Variants in RAD54B observed in about 807,000 individuals in gnomAD.
RAD54B encodes the protein RAD54 homolog B.
Under a neutral mutation model 95.8 loss-of-function variants are expected in RAD54B, and 78 were observed. The observed-to-expected ratio is 0.81, with a 90% CI of 0.68 to 0.98. The LOEUF (loss-of-function observed/expected upper bound fraction) is 0.98, where lower values mean the gene tolerates loss of function less well. Among genes scored for constraint, RAD54B ranks in the 50% least tolerant of loss-of-function variants. The probability of loss-of-function intolerance (pLI) is 0.00; values close to 1 mark genes in which losing one functional copy is unlikely to be tolerated. For synonymous variants in RAD54B, 328 were observed against 354.9 expected (o/e 0.92, Z 0.85); for missense variants, 957 against 1,056.6 (o/e 0.91, Z 1.31).
At chr8:94,439,551 C>T (rs1219554482) in intron 3 of RAD54B, among the ~76,000 whole-genome samples, 1 of 151,976 alleles carries the variant, frequency 6.6e-6, no homozygotes, top group Non-Finnish European at 1.5e-5. Context: ...CTCAGGTGGC[C>T]CTAAGAACAT....
At chr8:94,407,018 C>A (rs1811405725) in intron 5 of RAD54B, among the ~76,000 whole-genome samples, 1 of 151,968 alleles carries the variant, frequency 6.6e-6, no homozygotes, top group East Asian at 1.9e-4. Flanking sequence ...GAAATCTTAC[C>A]ATTCAATATT....
chr8:94,380,357 C>T lies in RAD54B; in HGVS notation c.2035G>A (p.Val679Ile), dbSNP rs34588349. The T allele has an allele frequency of 1.7e-5, 28 of 1,613,700 alleles. No homozygotes were observed. Among genetic ancestry groups the T allele is most frequent in the Non-Finnish European group, 1.7e-5 (20 of 1,179,826 alleles). The change falls in exon 12 of 15, where the codon GTA becomes ATA. Residue 679 changes from valine to isoleucine, a missense_variant. Val to Ile is a conservative substitution (Grantham distance 29, BLOSUM62 3). Coordinates refer to ENST00000336148, the MANE Select transcript of RAD54B (RefSeq NM_012415.3). ...YTQTLNILQE[V>I]CKRHGYAYTR... ...TAAGCATATCCATGACGCTTACATACTTCTTGTAAAATGTTCAAGGTTTGT... is the reference window on the plus strand; with the variant it reads ...TAAGCATATCCATGACGCTTACATATTTCTTGTAAAATGTTCAAGGTTTGT...
In RAD54B at chr8:94,399,539, T is replaced by G; in HGVS notation, c.1253A>C (p.Asp418Ala). The change falls in exon 8 of 15, where the codon GAT becomes GCT. Residue 418 changes from aspartate to alanine, a missense_variant. Physicochemically the swap from Asp to Ala is moderately radical, Grantham distance 126. Coordinates refer to ENST00000336148, the MANE Select transcript of RAD54B (RefSeq NM_012415.3). ...ISYEMLLRSLDQIKNIKFDLL... is the reference protein window; with the variant it reads ...ISYEMLLRSLAQIKNIKFDLL... Reference sequence around the variant, plus strand: ...ATCAAATTTTATATTCTTAATTTGATCCAGGGAACGAAGTAACATTTCATA... The same window carrying G: ...ATCAAATTTTATATTCTTAATTTGAGCCAGGGAACGAAGTAACATTTCATA... The G allele has an allele frequency of 1.9e-6, 3 of 1,613,252 alleles. No individual in the cohort carries two copies. The highest frequency in any genetic ancestry group is 1.7e-6 in the Non-Finnish European group (2 of 1,179,542).
chr8:94,425,269 G>T (rs1287962090), intron 3 of RAD54B, among the ~76,000 whole-genome samples: 2 of 135,938 alleles, frequency 1.5e-5, no homozygotes, highest in East Asian at 4.4e-4. Flanking sequence ...TCTTCAGGTT[G>T]GTCTCCAACT....
At position 94,374,055 on chromosome 8, in the gene RAD54B, A is replaced by G. The variant is rs189873864; in HGVS notation, c.2516-1668T>C. Among the ~76,000 whole-genome samples the G allele has an allele frequency of 6.0e-4, 92 of 152,248 alleles. No homozygotes were observed. The East Asian group carries it at 0.015, about 26-fold the overall frequency. On this transcript the variant is annotated intron_variant, in intron 14 of 14. Transcript: ENST00000336148. ...AGCACTTCGGGAGGCCAAGGCGGGC[A>G]GATCACGAGGTCAGGTGATCGAGAC...
chr8:94,388,258 C>T (rs952866356), intron 10 of RAD54B, among the ~76,000 whole-genome samples: 1 of 152,188 alleles, frequency 6.6e-6, no homozygotes, highest in South Asian at 2.1e-4. Context: ...CTCCTCTTAG[C>T]CTACTCAATG....
chr8:94,450,770 C>T (rs1044652004), intron 3 of RAD54B, among the ~76,000 whole-genome samples: 5 of 151,022 alleles, frequency 3.3e-5, no homozygotes, highest in African/African-American at 9.7e-5. Flanking sequence ...GTCCCAGCTA[C>T]GTGGGAGGCT....
intron 10 of RAD54B, among the ~76,000 whole-genome samples, chr8:94,390,741 T>G (rs1810998809): frequency 6.6e-6 from 1 of 151,922 alleles, no homozygotes; most frequent in Non-Finnish European, 1.5e-5. Context: ...TGGTACAGGT[T>G]GACCATCCTT....
intron 3 of RAD54B, chr8:94,430,491 A>G: frequency 1.0e-6 from 1 of 953,682 alleles, no homozygotes; most frequent in Non-Finnish European, 1.2e-6. Context: ...TTTAGCATGC[A>G]TCAGAATCGC....
At chr8:94,426,186 CA>C (rs1451812387) in intron 3 of RAD54B, among the ~76,000 whole-genome samples, 1 of 151,300 alleles carries the variant, frequency 6.6e-6, no homozygotes, top group African/African-American at 2.4e-5. Flanking sequence ...CTCCTGGCCT[CA>C]AGCGATCCAC....
Position 94,404,101 on chromosome 8 carries a change from A to T in RAD54B, c.920T>A (p.Leu307His), listed in dbSNP as rs866572110. The T allele has an allele frequency of 6.2e-7, 1 of 1,604,238 alleles. No individual in the cohort carries two copies. The highest frequency in any genetic ancestry group is 1.7e-4 in the Middle Eastern group (1 of 6,022). ...RPHQKEGIIF[L>H]YECVMGMRMN... ...CCTCATTCCCATTACACATTCATAA[A>T]GGAATATGATTCCTTCTTTCTGATG... is the stretch of plus-strand genomic sequence containing the variant. The change falls in exon 6 of 15, where the codon CTT (leucine) becomes CAT (histidine). Residue 307 changes from leucine to histidine, a missense_variant. Coordinates refer to ENST00000336148, the MANE Select transcript of RAD54B (RefSeq NM_012415.3).
intron 2 of RAD54B, among the ~76,000 whole-genome samples, chr8:94,461,754 A>C (rs1406260857): frequency 6.6e-6 from 1 of 152,160 alleles, no homozygotes; most frequent in Admixed American, 6.5e-5. Context: ...GTACACACAC[A>C]CGTGAGAGTA....
chr8:94,431,830 A>G (rs1474117847), intron 3 of RAD54B: 1 of 1,035,482 alleles, frequency 9.7e-7, no homozygotes, highest in Non-Finnish European at 1.2e-6. Flanking sequence ...ACTTTGAAAG[A>G]ATATGTGTTT....
chr8:94,404,236 G>A lies in RAD54B; in HGVS notation c.785C>T (p.Ser262Phe). 1 of 1,580,158 alleles carries A rather than the reference G, an allele frequency of 6.3e-7. No individual in the cohort carries two copies. The highest frequency in any genetic ancestry group is 8.6e-7 in the Non-Finnish European group (1 of 1,167,962). Reference protein sequence around the residue: ...KPRHDPYTPNSLVMPRPDKNH... With the variant: ...KPRHDPYTPNFLVMPRPDKNH... ...CTTATCTGGTCGTGGCATAACGAGGGAATCTTAAAAAATGATAAAAGTACA... is the reference window on the plus strand; with the variant it reads ...CTTATCTGGTCGTGGCATAACGAGGAAATCTTAAAAAATGATAAAAGTACA... The change falls in exon 6 of 15, where the codon TCC becomes TTC. Residue 262 changes from serine (S) to phenylalanine (F), a missense_variant. Physicochemically the swap from Ser to Phe is radical, Grantham distance 155. Coordinates refer to ENST00000336148, the MANE Select transcript of RAD54B (RefSeq NM_012415.3).
At chr8:94,420,680 T>C (rs957603472) in intron 3 of RAD54B, among the ~76,000 whole-genome samples, 16 of 127,542 alleles carry the variant, frequency 1.3e-4, no homozygotes, top group African/African-American at 3.7e-4. Context: ...AAGAAACACA[T>C]ACATAAAAAA....
chr8:94,391,583 C>CA, intron 10 of RAD54B, 26 bp downstream of exon 10: 1 of 1,490,220 alleles, frequency 6.7e-7, no homozygotes, highest in Non-Finnish European at 9.3e-7. Context: ...ATATCCCTGA[C>CA]ACAGTTTCAG....
chr8:94,407,275 T>C (rs547699360), intron 5 of RAD54B, among the ~76,000 whole-genome samples, 164 bp downstream of exon 5: 44 of 152,160 alleles, frequency 2.9e-4, no homozygotes, highest in Non-Finnish European at 5.1e-4. Flanking sequence ...CCAAACTATA[T>C]TGTTATTTGA....
Position 94,391,847 on chromosome 8 carries a change from CCA to C in RAD54B, c.1569_1570del (p.Gly524ThrfsTer5). ...TTGGGTTCTTCTAAGGATAAAGAGT[CCA>C]GTGAGGCAAGTAAGTTCAGCTGCTC... is the stretch of plus-strand genomic sequence containing the variant. On this transcript the variant is annotated frameshift_variant, in exon 10 of 15. Coordinates refer to ENST00000336148, the MANE Select transcript of RAD54B (RefSeq NM_012415.3). LOFTEE classifies it high-confidence loss of function. 1.2e-6 allele frequency: 2 copies of C among 1,613,404 alleles called. No individual in the cohort carries two copies. The highest frequency in any genetic ancestry group is 1.7e-6 in the Non-Finnish European group (2 of 1,179,860).
chr8:94,434,014 G>A (rs1229481086), intron 3 of RAD54B, among the ~76,000 whole-genome samples: 1 of 151,680 alleles, frequency 6.6e-6, no homozygotes, highest in East Asian at 1.9e-4. Context: ...AAATCTATTT[G>A]TAGGTTATAT....
Sources: allele counts gnomAD v4.1 joint callset (sites outside exome capture counted in the v4.1 genomes callset), GRCh38; gene constraint gnomAD v4.1.1; transcripts MANE v1.5; gene names NCBI Gene and HGNC (gene_info 2026-07-23, HGNC 2026-07-21).